The following TNNT3 variants were observed in gnomAD, a reference collection of about 807,000 sequenced individuals.
TNNT3 encodes the protein troponin T3, fast skeletal type.
In TNNT3, 36 loss-of-function variants were observed where a neutral mutation model predicts 54.2. The observed-to-expected ratio is 0.66, with a 90% CI of 0.51 to 0.88. The LOEUF (loss-of-function observed/expected upper bound fraction) is 0.88. Among genes scored for constraint, TNNT3 ranks in the 40% least tolerant of loss-of-function variants. The pLI, the probability that TNNT3 is intolerant of heterozygous loss-of-function variation, is 0.00. For missense variants in TNNT3, 291 were observed against 331.6 expected, an observed-to-expected ratio of 0.88 and a Z score of 0.95; for synonymous variants, 120 against 109.7, an observed-to-expected ratio of 1.09 and a Z score of -0.59.
intron 3 of TNNT3, 99 bp from the exon 4 acceptor site, chr11:1,923,456 C>G: frequency 7.4e-7 from 1 of 1,342,462 alleles, no homozygotes; most frequent in African/African-American, 1.4e-5. Context: ...CAGTCGCTGG[C>G]CTGTCCAGGG....
Position 1,923,075 on chromosome 11 carries a change from C to A in TNNT3, c.31+14C>A. The A allele has an allele frequency of 6.2e-7, 1 of 1,613,982 alleles. No individual in the cohort carries two copies. The highest frequency in any genetic ancestry group is 1.3e-5 in the African/African-American group (1 of 75,024). On this transcript the variant is annotated intron_variant, in intron 3 of 15. Transcript: ENST00000278317. ...AACAGGTGGAGGGTAAGTGTAACAG[C>A]CATTTTCTTTCTACTTCCTGCTCTA...
chr11:1,933,155 T>TCCAC (rs1329085849), intron 9 of TNNT3, among the ~76,000 whole-genome samples: 2 of 90,094 alleles, frequency 2.2e-5, no homozygotes, highest in African/African-American at 8.8e-5. Context: ...CATCCTCCCA[T>TCCAC]CCACCCACCC....
intron 8 of TNNT3, among the ~76,000 whole-genome samples, chr11:1,930,430 C>T (rs1282605089): frequency 6.6e-6 from 1 of 152,212 alleles, no homozygotes; most frequent in Non-Finnish European, 1.5e-5. Flanking sequence ...GAAGAGCTCA[C>T]TGTGCAGGGG....
At chr11:1,928,255 C>G (rs1187934494) in intron 6 of TNNT3, among the ~76,000 whole-genome samples, 1 of 152,180 alleles carries the variant, frequency 6.6e-6, no homozygotes, top group Non-Finnish European at 1.5e-5. Context: ...GCGGGTGCCA[C>G]TAGGCCAGCG....
At chr11:1,926,602 C>T (rs1024198537) in intron 5 of TNNT3, 93 bp from the exon 6 acceptor site, 17 of 1,608,432 alleles carry the variant, frequency 1.1e-5, no homozygotes, top group African/African-American at 4.0e-5. Context: ...TCCGCCGCCT[C>T]GGCCCTGCCC....
In TNNT3 at chr11:1,933,944, CAG is replaced by C; in HGVS notation, c.309_310del (p.Arg103SerfsTer59). 6.2e-7 allele frequency: 1 copy of C among 1,612,746 alleles called. No individual in the cohort carries two copies. Among genetic ancestry groups the C allele is most frequent in the Non-Finnish European group, 8.5e-7 (1 of 1,179,992 alleles). On this transcript the variant is annotated frameshift_variant, in exon 11 of 16. Transcript: ENST00000278317. LOFTEE classifies it high-confidence loss of function. ...CTCTGGCTGCAGGAGAAGCGCCGTG[CAG>C]AGAGAGCGGAGCAGCAGAGGATTCG...
At chr11:1,920,191 G>A (rs961167693) in intron 1 of TNNT3, among the ~76,000 whole-genome samples, 9 of 152,176 alleles carry the variant, frequency 5.9e-5, no homozygotes, top group Non-Finnish European at 7.4e-5. Context: ...GCCCAGGCCC[G>A]TCCTGGCCTT....
intron 8 of TNNT3, 49 bp from the exon 9 acceptor site, chr11:1,932,418 TGG>T: frequency 6.3e-7 from 1 of 1,582,436 alleles, no homozygotes; most frequent in Non-Finnish European, 8.7e-7. Context: ...GCTGACCCTC[TGG>T]GGTGGGTCTC....
intron 6 of TNNT3, 52 bp downstream of exon 6, chr11:1,926,761 T>G: frequency 6.2e-7 from 1 of 1,611,168 alleles, no homozygotes; most frequent in Non-Finnish European, 8.5e-7. Context: ...CTCCCTTCTG[T>G]CCTCTCTTGC....
At chr11:1,933,582 C>T in intron 9 of TNNT3, 139 bp from the exon 10 acceptor site, 1 of 724,910 alleles carries the variant, frequency 1.4e-6, no homozygotes, top group Non-Finnish European at 2.5e-6. Context: ...TTCCTTGCCA[C>T]TTGCCATTTT....
Position 1,923,547 on chromosome 11 carries a change from C to A in TNNT3, c.32-8C>A, listed in dbSNP as rs200379236. ...CGTGGTTCCCCTCTTTGTTCTGTCC[C>A]AATGCAGAGCAGTACGAAGAAGAAG... On this transcript the variant is annotated splice_region_variant and splice_polypyrimidine_tract_variant and intron_variant, in intron 3 of 15. Coordinates refer to ENST00000278317, the MANE Select transcript of TNNT3 (RefSeq NM_006757.4). 1.2e-6 allele frequency: 2 copies of A among 1,614,050 alleles called. No homozygotes were observed. Among genetic ancestry groups the A allele is most frequent in the Admixed American group, 3.3e-5 (2 of 60,026 alleles).
chr11:1,924,031 T>C (rs189952950), intron 4 of TNNT3, among the ~76,000 whole-genome samples: 320 of 152,260 alleles, frequency 2.1e-3, no homozygotes, highest in African/African-American at 7.3e-3. Flanking sequence ...CGTGTCTCTC[T>C]TGGCAACTTT....
chr11:1,934,189 A>G, intron 11 of TNNT3, 143 bp from the exon 12 acceptor site: 1 of 1,057,342 alleles, frequency 9.5e-7, no homozygotes. Context: ...CCTGGCCAAG[A>G]CCTGGAGCTT....
intron 8 of TNNT3, 127 bp downstream of exon 8, chr11:1,929,955 G>A (rs1852874556): frequency 3.0e-6 from 4 of 1,324,336 alleles, no homozygotes; most frequent in Non-Finnish European, 4.2e-6. Flanking sequence ...AAGTGAGTGT[G>A]GGGTCCTGGC....
intron 14 of TNNT3, chr11:1,935,243 AC>A (rs1307480119): frequency 2.3e-6 from 1 of 440,710 alleles, no homozygotes; most frequent in Non-Finnish European, 4.2e-6. Context: ...CATTTTCGGA[AC>A]CCCTTTAAGC....
chr11:1,929,767 C>G (rs372200170), intron 7 of TNNT3, 43 bp from the exon 8 acceptor site: 2 of 1,551,364 alleles, frequency 1.3e-6, no homozygotes, highest in Non-Finnish European at 1.7e-6. Context: ...TCCCTCTCCC[C>G]ACGCTGGTGT....
In TNNT3 at chr11:1,934,394, G is replaced by A. The variant is rs184687090; in HGVS notation, c.429G>A (p.Lys143=). 93 of 1,613,950 alleles carry A rather than the reference G, an allele frequency of 5.8e-5. No individual in the cohort carries two copies. In the East Asian group the frequency reaches 1.9e-3, roughly 34 times the overall value. ...AKRRAEDDLK[K]KKALSSMGAN... ...GGAGGGCAGAGGACGACCTGAAGAA[G>A]AAGAAAGCTCTGTCTTCCATGGGAG... Residue 143 remains lysine, a synonymous_variant, in exon 12 of 16, where the codon AAG becomes AAA. Transcript: ENST00000278317.
intron 15 of TNNT3, 172 bp from the exon 16 acceptor site, chr11:1,938,266 C>T: frequency 2.7e-6 from 2 of 736,750 alleles, no homozygotes; most frequent in Non-Finnish European, 4.9e-6. Flanking sequence ...CCGCCAGGCA[C>T]AGGTGAGTGG....
chr11:1,922,707 G>A (rs886247297), intron 1 of TNNT3, 150 bp from the exon 2 acceptor site: 4 of 728,576 alleles, frequency 5.5e-6, no homozygotes, highest in Non-Finnish European at 9.7e-6. Context: ...CAAGGAGGTG[G>A]ACTCACCCAA....
Sources: gnomAD v4.1 joint callset for allele counts (sites outside exome capture counted in the v4.1 genomes callset) on GRCh38, gnomAD v4.1.1 for gene constraint, MANE v1.5 for transcripts, NCBI Gene and HGNC (gene_info 2026-07-23, HGNC 2026-07-21) for gene names.